Variants in MEG3 observed in about 807,000 individuals in gnomAD.
MEG3 encodes the protein maternally expressed 3.
intron 3 of MEG3, chr14:100,850,726 T>TAAC (rs1173939923): frequency 6.6e-6 from 1 of 152,184 alleles, no homozygotes; most frequent in Non-Finnish European, 1.5e-5. Context: ...TAAAATAATG[T>TAAC]AACGGTCAAT....
At chr14:100,835,048 C>CG (rs1163609583) in exon 1 of MEG3, 19 of 347,086 alleles carry the variant, frequency 5.5e-5, no homozygotes, top group Non-Finnish European at 9.1e-5. Context: ...GAGGGCGGGC[C>CG]GGGGGGTTGC....
At chr14:100,852,404 G>A (rs2038108806), upstream of MEG3, 5 of 534,394 alleles carry the variant, frequency 9.4e-6, no homozygotes, top group African/African-American at 1.9e-5. Flanking sequence ...GCCACCTTCC[G>A]AGCCTCCAGT....
chr14:100,840,856 G>A (rs927790424), intron 2 of MEG3, among the ~76,000 whole-genome samples: 1 of 152,216 alleles, frequency 6.6e-6, no homozygotes, highest in East Asian at 1.9e-4. Context: ...AGGACAGTCG[G>A]GGGCCAAAGG....
intron 2 of MEG3, among the ~76,000 whole-genome samples, chr14:100,839,477 G>A (rs2037687277): frequency 6.6e-6 from 1 of 152,208 alleles, no homozygotes; most frequent in Non-Finnish European, 1.5e-5. Context: ...CCTCAGATGT[G>A]GGGTTCCTGG....
At chr14:100,829,242 G>A (rs1296572898), downstream of MEG3, 2 of 152,248 alleles carry the variant, frequency 1.3e-5, no homozygotes, top group Non-Finnish European at 2.9e-5. Context: ...GACTCTATGA[G>A]TACTTTCCTA....
intron 2 of MEG3, among the ~76,000 whole-genome samples, chr14:100,840,177 C>T (rs74432135): frequency 0.038 from 5,808 of 152,298 alleles, 178 homozygotes; most frequent in East Asian, 0.1. Context: ...ACTTTCTTAA[C>T]TGCTCTCCAA....
intron 2 of MEG3, among the ~76,000 whole-genome samples, chr14:100,843,603 A>G (rs2037823999): frequency 6.6e-6 from 1 of 152,098 alleles, no homozygotes; most frequent in South Asian, 2.1e-4. Context: ...AGGGAAGGAG[A>G]TTTTAGGAAG....
exon 1 of MEG3, chr14:100,834,716 G>C (rs1262107712): frequency 2.2e-6 from 1 of 456,636 alleles, no homozygotes; most frequent in African/African-American, 2.0e-5. Context: ...ACAGAGTGGG[G>C]CTCAGTTAGA....
intron 3 of MEG3, chr14:100,850,382 G>A (rs929360723): frequency 3.3e-5 from 5 of 152,178 alleles, no homozygotes; most frequent in Non-Finnish European, 7.3e-5. Context: ...TCAGGAGTTT[G>A]AGACCAGCCA....
At chr14:100,842,921 A>C (rs2037802821) in intron 2 of MEG3, among the ~76,000 whole-genome samples, 1 of 152,166 alleles carries the variant, frequency 6.6e-6, no homozygotes, top group African/African-American at 2.4e-5. Flanking sequence ...TCTGGACTCT[A>C]TAAGGAGGCC....
chr14:100,860,588 C>G (rs2038375742), intron 1 of MEG3: 1 of 451,142 alleles, frequency 2.2e-6, no homozygotes, highest in South Asian at 1.6e-5. Context: ...GGGACTTGCT[C>G]TCCTCTCCCT....
intron 2 of MEG3, among the ~76,000 whole-genome samples, chr14:100,840,791 A>T (rs1020720243): frequency 1.3e-5 from 2 of 152,228 alleles, no homozygotes; most frequent in African/African-American, 4.8e-5. Context: ...AATATAGCCA[A>T]AGAGACAGAA....
intron 2 of MEG3, among the ~76,000 whole-genome samples, chr14:100,836,485 A>G (rs1482477594): frequency 1.3e-5 from 2 of 151,872 alleles, no homozygotes; most frequent in Non-Finnish European, 1.5e-5. Context: ...CCCTTGCTAT[A>G]CCCAGCAAGC....
chr14:100,840,757 G>A (rs775097591), intron 2 of MEG3, among the ~76,000 whole-genome samples: 1 of 152,220 alleles, frequency 6.6e-6, no homozygotes, highest in African/African-American at 2.4e-5. Context: ...ACAAAAATTT[G>A]ATCAACCTGG....
upstream of MEG3, chr14:100,853,483 T>G (rs1207529409): frequency 1.3e-5 from 2 of 152,190 alleles, no homozygotes; most frequent in African/African-American, 4.8e-5. Flanking sequence ...CCATTTTACA[T>G]TCTTACAGGC....
chr14:100,851,705 G>A (rs1321792823), intron 3 of MEG3: 1 of 152,720 alleles, frequency 6.5e-6, no homozygotes, highest in Non-Finnish European at 1.5e-5. Context: ...CTGGTTCAAG[G>A]CCTCTCTGTC....
chr14:100,836,263 T>TCTTCCTGGCGGGCCTCTCGTCTC (rs1275316183), exon 2 of MEG3: 6 of 456,460 alleles, frequency 1.3e-5, no homozygotes, highest in Non-Finnish European at 2.2e-5. Flanking sequence ...ACCCAAGTCT[T>TCTTCCTGGCGGGCCTCTCGTCTC]CTTCCTGGCG....
At chr14:100,826,903 G>T (rs567026446) in intron 1 of MEG3, among the ~76,000 whole-genome samples, 1 of 152,038 alleles carries the variant, frequency 6.6e-6, no homozygotes, top group African/African-American at 2.4e-5. Flanking sequence ...AAACCTGCCA[G>T]TAGCCCCCTA....
upstream of MEG3, chr14:100,856,455 A>T (rs1005871346): frequency 2.0e-5 from 3 of 152,720 alleles, no homozygotes; most frequent in Non-Finnish European, 4.4e-5. Context: ...GAGTCTGCCT[A>T]CGGGGGAGGA....
Sources: gnomAD v4.1 joint callset for allele counts (sites outside exome capture counted in the v4.1 genomes callset) on GRCh38, gnomAD v4.1.1 for gene constraint, MANE v1.5 for transcripts, NCBI Gene and HGNC (gene_info 2026-07-23, HGNC 2026-07-21) for gene names.